Variants in NUBPL observed in about 807,000 individuals in gnomAD.
NUBPL encodes iron-sulfur cluster transfer protein NUBPL.
In NUBPL, 31 loss-of-function variants were observed where a neutral mutation model predicts 45.7. That is an observed-to-expected ratio of 0.68 (90% CI 0.51 to 0.92). The LOEUF is 0.92. NUBPL is among the 40% of genes least tolerant of loss of function. The probability of loss-of-function intolerance (pLI) is 0.00; values close to 1 mark genes in which losing one functional copy is unlikely to be tolerated. For missense variants in NUBPL, 401 were observed against 398.7 expected, an observed-to-expected ratio of 1.01 and a Z score of -0.05; for synonymous variants, 144 against 140.9, an observed-to-expected ratio of 1.02 and a Z score of -0.15.
chr14:31,854,203 C>T (rs1207869970), intron 10 of NUBPL, among the ~76,000 whole-genome samples: 1 of 152,154 alleles, frequency 6.6e-6, no homozygotes, highest in African/African-American at 2.4e-5. Context: ...CATTCATTCC[C>T]TGTTGCTAGT....
chr14:31,569,693 T>A (rs1227817106), intron 3 of NUBPL, among the ~76,000 whole-genome samples: 4 of 152,196 alleles, frequency 2.6e-5, no homozygotes, highest in African/African-American at 7.2e-5. Context: ...GACAGCTGAT[T>A]GTTAAATTTT....
At chr14:31,731,222 A>G (rs2038041812) in intron 6 of NUBPL, among the ~76,000 whole-genome samples, 1 of 152,220 alleles carries the variant, frequency 6.6e-6, no homozygotes, top group Non-Finnish European at 1.5e-5. Flanking sequence ...AGAATTAGTG[A>G]ACTGGGAGAT....
intron 4 of NUBPL, chr14:31,662,038 A>G (rs2036282016): frequency 1.3e-5 from 2 of 151,700 alleles, no homozygotes; most frequent in African/African-American, 4.8e-5. Context: ...TTTTTATTTC[A>G]ATGTGCTTTT....
rs191637888 is a variant in NUBPL at position 31,757,820 on chromosome 14, G to C, written c.514-29960G>C. 1.2e-4 allele frequency among the ~76,000 whole-genome samples: 18 copies of C among 152,054 alleles called. No individual in the cohort carries two copies. The East Asian group carries it at 2.1e-3, about 18-fold the overall frequency. ...TAACTCAAACCCTTTTTTTAGCCTT[G>C]AGGTTCAACCTAGTCTGACCTCTAC... On this transcript the variant is annotated intron_variant, in intron 6 of 10. Transcript: ENST00000281081.
At chr14:31,781,278 G>A (rs2138796948) in intron 6 of NUBPL, among the ~76,000 whole-genome samples, 1 of 152,298 alleles carries the variant, frequency 6.6e-6, no homozygotes, top group South Asian at 2.1e-4. Flanking sequence ...GTCTTCCTAA[G>A]CAATCTTTGT....
At chr14:31,667,521 GTTA>G (rs2139792280) in intron 4 of NUBPL, among the ~76,000 whole-genome samples, 1 of 151,962 alleles carries the variant, frequency 6.6e-6, no homozygotes, top group East Asian at 2.0e-4. Context: ...AAAGGAGTTT[GTTA>G]TTATTACCCA....
intron 7 of NUBPL, among the ~76,000 whole-genome samples, chr14:31,797,829 T>C (rs2039493235): frequency 1.5e-5 from 2 of 136,424 alleles, no homozygotes; most frequent in Non-Finnish European, 3.1e-5. Flanking sequence ...CTTCCTAGTC[T>C]CGATGGTCTT....
intron 6 of NUBPL, among the ~76,000 whole-genome samples, chr14:31,714,406 C>T (rs892541945): frequency 6.6e-6 from 1 of 152,122 alleles, no homozygotes; most frequent in Non-Finnish European, 1.5e-5. Context: ...AGAGGTTTAA[C>T]TGGCTGATGG....
chr14:31,617,047 A>T (rs2034922329), intron 4 of NUBPL, among the ~76,000 whole-genome samples: 1 of 152,008 alleles, frequency 6.6e-6, no homozygotes. Context: ...TGTGAATGGG[A>T]GCTCACTCAT....
chr14:31,802,090 C>T (rs1485960764), intron 7 of NUBPL, among the ~76,000 whole-genome samples: 1 of 152,174 alleles, frequency 6.6e-6, no homozygotes, highest in Non-Finnish European at 1.5e-5. Context: ...GTGATTGGGT[C>T]ATCAGGGCTC....
At position 31,650,294 on chromosome 14, in the gene NUBPL, T is replaced by C. The variant is rs1486403426; in HGVS notation, c.383-23061T>C. Among the ~76,000 whole-genome samples the C allele has an allele frequency of 1.1e-3, 167 of 146,180 alleles. 1 individual carries two copies. The highest frequency in any genetic ancestry group is 7.0e-3 in the Middle Eastern group (2 of 286). On this transcript the variant is annotated intron_variant, in intron 4 of 10. Transcript: ENST00000281081. ...TTGGGAATGGCTTTCTTTCTTTTTT[T>C]TTTTTTTTTTTTTGAGACGGAGTCT...
chr14:31,695,033 C>G (rs749018402), intron 6 of NUBPL, among the ~76,000 whole-genome samples: 1 of 152,150 alleles, frequency 6.6e-6, no homozygotes, highest in Non-Finnish European at 1.5e-5. Context: ...TTAAGGCAAT[C>G]AAAGTTGGAA....
At chr14:31,609,382 T>A (rs2139594540) in intron 4 of NUBPL, among the ~76,000 whole-genome samples, 1 of 152,184 alleles carries the variant, frequency 6.6e-6, no homozygotes, top group Middle Eastern at 3.4e-3. Context: ...TATAACAATT[T>A]TAAATATATA....
Position 31,844,267 on chromosome 14 carries a change from C to T in NUBPL, c.694-2204C>T, listed in dbSNP as rs1056263709. 4 of 152,256 alleles carry T rather than the reference C, an allele frequency of 2.6e-5. No homozygotes were observed. The East Asian group carries it at 7.7e-4, about 29-fold the overall frequency. The allele number at this position is 152,256 out of a possible 1,614,324, so 9.4% of individuals were successfully genotyped here. On this transcript the variant is annotated intron_variant, in intron 8 of 10. Coordinates refer to ENST00000281081, the MANE Select transcript of NUBPL (RefSeq NM_025152.3). ...ATACCCTCACAAAGATTTTCACTTT[C>T]TTTAGGTGTTTTTCCTTTTCTCACT...
chr14:31,723,941 C>A (rs1379891938), intron 6 of NUBPL, among the ~76,000 whole-genome samples: 1 of 152,116 alleles, frequency 6.6e-6, no homozygotes, highest in Non-Finnish European at 1.5e-5. Context: ...TTGTTTCTTT[C>A]TCATTCCTGA....
chr14:31,643,840 A>C (rs1278093906), intron 4 of NUBPL, among the ~76,000 whole-genome samples: 1 of 151,798 alleles, frequency 6.6e-6, no homozygotes, highest in Non-Finnish European at 1.5e-5. Flanking sequence ...GGTTAGTTGA[A>C]GTTTTCTGTT....
chr14:31,802,839 G>C (rs768680019), intron 7 of NUBPL, among the ~76,000 whole-genome samples: 1 of 152,124 alleles, frequency 6.6e-6, no homozygotes, highest in Admixed American at 6.5e-5. Flanking sequence ...AGGTCTTTCT[G>C]TCTCTCATTC....
At chr14:31,637,788 A>C (rs1414411804) in intron 4 of NUBPL, among the ~76,000 whole-genome samples, 1 of 152,178 alleles carries the variant, frequency 6.6e-6, no homozygotes, top group South Asian at 2.1e-4. Context: ...TTGGGTGCAT[A>C]TATATTAAGA....
At chr14:31,845,065 C>T (rs1474619319) in intron 8 of NUBPL, 2 of 152,140 alleles carry the variant, frequency 1.3e-5, no homozygotes, top group African/African-American at 4.8e-5. Flanking sequence ...ATACTGAAGT[C>T]CCACAGTTGC....
Sources: gnomAD v4.1 joint callset for allele counts (sites outside exome capture counted in the v4.1 genomes callset) on GRCh38, gnomAD v4.1.1 for gene constraint, MANE v1.5 for transcripts, NCBI Gene and HGNC (gene_info 2026-07-23, HGNC 2026-07-21) for gene names.